EVI5: variants seen among roughly 807,000 people sequenced by gnomAD.
EVI5 encodes the protein ecotropic viral integration site 5 protein homolog.
EVI5 carries 73 observed loss-of-function variants against 112.0 expected under a neutral mutation model. The observed-to-expected ratio is 0.65, with a 90% CI of 0.54 to 0.79. The LOEUF (loss-of-function observed/expected upper bound fraction) is 0.79, where lower values mean the gene tolerates loss of function less well. Ranked by LOEUF, EVI5 falls within the 30% of genes least tolerant of loss-of-function variation. The pLI is 0.00. For synonymous variants in EVI5, 305 were observed against 319.9 expected, an observed-to-expected ratio of 0.95 and a Z score of 0.50; for missense variants, 900 against 968.8, an observed-to-expected ratio of 0.93 and a Z score of 0.94.
rs758559681 is a variant in EVI5 at position 92,703,428 on chromosome 1, G to C, written c.531C>G (p.Ser177Arg). 6.3e-7 allele frequency: 1 copy of C among 1,580,940 alleles called. No individual in the cohort carries two copies. The highest frequency in any genetic ancestry group is 8.6e-7 in the Non-Finnish European group (1 of 1,169,222). Reference sequence around the variant, plus strand: ...CATTAAATAAAACCTCCTGTCCAAGGCTATCTTTTTCCTTAAAAAAGTTGT... The same window carrying C: ...CATTAAATAAAACCTCCTGTCCAAGCCTATCTTTTTCCTTAAAAAAGTTGT... ...PEHNFFKEKD[S>R]LGQEVLFNVM... Residue 177 changes from serine to arginine, a missense_variant, in exon 4 of 20, where the codon AGC (serine) becomes AGG (arginine). Physicochemically the swap from Ser to Arg is moderately radical, Grantham distance 110. Transcript: ENST00000684568.
chr1:92,750,237 A>T (rs1308439475), intron 1 of EVI5, among the ~76,000 whole-genome samples: 2 of 152,194 alleles, frequency 1.3e-5, no homozygotes, highest in Non-Finnish European at 2.9e-5. Context: ...AGACAGAGGG[A>T]TAGAGAATTA....
intron 19 of EVI5, among the ~76,000 whole-genome samples, chr1:92,548,665 A>G (rs1666231585): frequency 6.6e-6 from 1 of 152,236 alleles, no homozygotes; most frequent in South Asian, 2.1e-4. Flanking sequence ...ATACAAAATC[A>G]ATGTGCAAAA....
chr1:92,553,296 A>AT (rs1667216246), intron 19 of EVI5, among the ~76,000 whole-genome samples: 3 of 90,050 alleles, frequency 3.3e-5, no homozygotes, highest in East Asian at 3.5e-4. Context: ...ACACCTGGCC[A>AT]ATTTTTTTTT....
chr1:92,629,207 T>C (rs1307371234), intron 14 of EVI5, among the ~76,000 whole-genome samples: 1 of 152,216 alleles, frequency 6.6e-6, no homozygotes, highest in East Asian at 1.9e-4. Context: ...AGATAATACA[T>C]TATCCAGAAA....
At chr1:92,764,897 A>C (rs1682372468) in intron 1 of EVI5, among the ~76,000 whole-genome samples, 1 of 152,214 alleles carries the variant, frequency 6.6e-6, no homozygotes, top group Non-Finnish European at 1.5e-5. Flanking sequence ...ATGCCAAAAA[A>C]TTATGTCTTA....
chr1:92,545,404 C>A, intron 19 of EVI5, among the ~76,000 whole-genome samples: 1 of 104,300 alleles, frequency 9.6e-6, no homozygotes, highest in African/African-American at 3.7e-5. Context: ...TAAAATCAAA[C>A]TACTTGATGT....
chr1:92,619,050 G>C (rs1009386293), intron 16 of EVI5, among the ~76,000 whole-genome samples: 23 of 152,108 alleles, frequency 1.5e-4, no homozygotes, highest in Non-Finnish European at 2.6e-4. Flanking sequence ...ATGTGCATAG[G>C]TTCAAGTTCA....
At chr1:92,694,474 A>G in intron 7 of EVI5, 86 bp from the exon 8 acceptor site, 2 of 758,654 alleles carry the variant, frequency 2.6e-6, no homozygotes, top group Non-Finnish European at 4.4e-6. Context: ...TAAGGTAAAC[A>G]TTTAGGGATC....
chr1:92,598,159 T>C (rs1648341726), intron 18 of EVI5, among the ~76,000 whole-genome samples: 1 of 152,048 alleles, frequency 6.6e-6, no homozygotes, highest in African/African-American at 2.4e-5. Context: ...TAGTAATGAA[T>C]AAGACAGATA....
chr1:92,790,946 A>C (rs1266326118), intron 1 of EVI5, among the ~76,000 whole-genome samples: 1 of 152,174 alleles, frequency 6.6e-6, no homozygotes, highest in Non-Finnish European at 1.5e-5. Flanking sequence ...GAGACACACA[A>C]TTCTGTTTAT....
chr1:92,614,157 A>G (rs564516399), intron 16 of EVI5, among the ~76,000 whole-genome samples: 75 of 152,252 alleles, frequency 4.9e-4, no homozygotes, highest in Non-Finnish European at 1.0e-3. Context: ...AACTCAACCC[A>G]TCTCTGGACT....
At chr1:92,639,348 A>G (rs1230920025) in intron 13 of EVI5, among the ~76,000 whole-genome samples, 5 of 152,090 alleles carry the variant, frequency 3.3e-5, no homozygotes, top group African/African-American at 1.2e-4. Context: ...AGGAAATAGG[A>G]GTAATACAGT....
intron 9 of EVI5, among the ~76,000 whole-genome samples, chr1:92,686,645 C>T (rs575975030): frequency 1.9e-4 from 29 of 152,262 alleles, no homozygotes; most frequent in Non-Finnish European, 2.4e-4. Context: ...TTTAGAAAAC[C>T]CCATCATCTC....
At chr1:92,679,684 C>G (rs985563723) in intron 9 of EVI5, among the ~76,000 whole-genome samples, 2 of 152,142 alleles carry the variant, frequency 1.3e-5, no homozygotes, top group Non-Finnish European at 2.9e-5. Context: ...TTGCTGTTAC[C>G]TAAAGCCCAT....
At chr1:92,648,014 G>C (rs1466041108) in intron 13 of EVI5, among the ~76,000 whole-genome samples, 24 of 145,934 alleles carry the variant, frequency 1.6e-4, no homozygotes, top group Non-Finnish European at 2.9e-4. Context: ...CAAAGTGCTG[G>C]GATTACAGGC....
intron 16 of EVI5, among the ~76,000 whole-genome samples, chr1:92,608,626 C>T (rs779073958): frequency 1.6e-4 from 24 of 151,926 alleles, no homozygotes; most frequent in African/African-American, 3.6e-4. Flanking sequence ...ATCACTTGAA[C>T]CCAGGAGGCA....
At chr1:92,553,086 G>T (rs1667185578) in intron 19 of EVI5, among the ~76,000 whole-genome samples, 1 of 151,932 alleles carries the variant, frequency 6.6e-6, no homozygotes, top group East Asian at 1.9e-4. Flanking sequence ...CTGAAAAGTG[G>T]TCTGAAAGTC....
At chr1:92,614,071 A>C (rs1652491798) in intron 16 of EVI5, among the ~76,000 whole-genome samples, 1 of 152,252 alleles carries the variant, frequency 6.6e-6, no homozygotes, top group Non-Finnish European at 1.5e-5. Flanking sequence ...GGTATTACTA[A>C]GGGAAAAATA....
intron 1 of EVI5, among the ~76,000 whole-genome samples, chr1:92,772,906 TAAAAA>T: frequency 9.1e-6 from 1 of 109,724 alleles, no homozygotes; most frequent in East Asian, 2.7e-4. Flanking sequence ...AACCCCATCT[TAAAAA>T]AAAAAAAAAA....
Sources: allele counts gnomAD v4.1 joint callset (sites outside exome capture counted in the v4.1 genomes callset), GRCh38; gene constraint gnomAD v4.1.1; transcripts MANE v1.5; gene names NCBI Gene and HGNC (gene_info 2026-07-23, HGNC 2026-07-21).